POF1B: variants seen among roughly 807,000 people sequenced by gnomAD.
The protein encoded by POF1B is POF1B actin binding protein, also known as protein POF1B.
POF1B carries 53 observed loss-of-function variants against 55.3 expected under a neutral mutation model. The ratio of observed to expected loss-of-function variants is 0.96; its 90% CI spans 0.77 to 1.20. The LOEUF is 1.20. POF1B is among the 50% of genes most tolerant of loss of function. POF1B has a pLI of 0.00. For missense variants in POF1B, 478 were observed against 420.5 expected, an observed-to-expected ratio of 1.14 and a Z score of -1.20; for synonymous variants, 188 against 148.3, an observed-to-expected ratio of 1.27 and a Z score of -1.95.
At chrX:85,283,786 T>C (rs1335258725) in intron 15 of POF1B, among the ~76,000 whole-genome samples, 1 of 110,619 alleles carries the variant, frequency 9.0e-6, no homozygotes, top group Non-Finnish European at 1.9e-5. Context: ...AAAGAGAATC[T>C]TAAAAACAGC....
chrX:85,342,198 T>A (rs995485099), intron 6 of POF1B, among the ~76,000 whole-genome samples: 4 of 111,384 alleles, frequency 3.6e-5, no homozygotes, highest in Non-Finnish European at 7.6e-5. Flanking sequence ...ATCAAAAGGG[T>A]GATATTAGTA....
intron 15 of POF1B, among the ~76,000 whole-genome samples, chrX:85,284,029 G>T (rs922926891): frequency 2.7e-5 from 3 of 111,100 alleles, no homozygotes; most frequent in African/African-American, 9.8e-5. Flanking sequence ...CAAACAGAGA[G>T]CCAAATCACG....
intron 15 of POF1B, among the ~76,000 whole-genome samples, chrX:85,294,123 G>A (rs1569279813): frequency 8.9e-6 from 1 of 112,075 alleles, no homozygotes; most frequent in East Asian, 2.8e-4. Flanking sequence ...GAAGCTTTTG[G>A]TGGAGTCTTT....
chrX:85,357,558 T>A (rs751675930), intron 4 of POF1B, among the ~76,000 whole-genome samples: 1 of 111,353 alleles, frequency 9.0e-6, no homozygotes, highest in Non-Finnish European at 1.9e-5. Flanking sequence ...ACTTTCTTAA[T>A]GGTCAAACCC....
At chrX:85,343,033 A>G (rs1196499765) in intron 6 of POF1B, among the ~76,000 whole-genome samples, 1 of 97,310 alleles carries the variant, frequency 1.0e-5, no homozygotes, top group Non-Finnish European at 2.1e-5. Context: ...AAAATATTGA[A>G]AAAGCTGGGG....
rs774039947 is a variant in POF1B, at chrX:85,313,517, C to T, written c.957+915G>A. Among the ~76,000 whole-genome samples, 22 of 111,837 alleles carry T rather than the reference C, an allele frequency of 2.0e-4. 1 individual carries two copies. In the South Asian group the frequency reaches 2.6e-3, roughly 13 times the overall value. On this transcript the variant is annotated intron_variant, in intron 9 of 16. Coordinates refer to ENST00000262753, the MANE Select transcript of POF1B (RefSeq NM_024921.4). ...ATGTTGAATCAGCCTTGCATTCCAGCGATGAAGCTGACTTGATCATGGTGG... is the reference window on the plus strand; with the variant it reads ...ATGTTGAATCAGCCTTGCATTCCAGTGATGAAGCTGACTTGATCATGGTGG...
At chrX:85,289,715 A>G (rs1295064195) in intron 15 of POF1B, among the ~76,000 whole-genome samples, 1 of 111,702 alleles carries the variant, frequency 9.0e-6, no homozygotes, top group Non-Finnish European at 1.9e-5. Context: ...AAGATAAACA[A>G]TTTGGAGAAA....
intron 15 of POF1B, among the ~76,000 whole-genome samples, chrX:85,293,949 G>A (rs1932250189): frequency 9.5e-6 from 1 of 105,806 alleles, no homozygotes; most frequent in Non-Finnish European, 1.9e-5. Context: ...ACTCCAGTCT[G>A]GGTGACAGAG....
Position 85,306,217 on chromosome X carries a change from A to G in POF1B, c.1281T>C (p.Arg427=), listed in dbSNP as rs750328897. ...YRLKELEYCK[R]NLEQENQNLR... is the part of the protein sequence containing the mutation. ...GGTTTTGATTCTCTTGCTCTAAATT[A>G]CGTTTACAATATTCCAGTTCTTTTA... Residue 427 remains arginine, a synonymous_variant, in exon 12 of 17, where the codon CGT becomes CGC. Coordinates refer to ENST00000262753, the MANE Select transcript of POF1B (RefSeq NM_024921.4). 5.2e-5 allele frequency: 63 copies of G among 1,202,229 alleles called. No individual in the cohort carries two copies. The South Asian group carries it at 1.1e-3, about 21-fold the overall frequency.
At chrX:85,285,351 C>T (rs1407688052) in intron 15 of POF1B, among the ~76,000 whole-genome samples, 9 of 110,943 alleles carry the variant, frequency 8.1e-5, no homozygotes, top group Non-Finnish European at 1.5e-4. Context: ...CGTATGCACA[C>T]GTATGTTTAT....
chrX:85,360,704 C>T (rs1782437057), intron 3 of POF1B, among the ~76,000 whole-genome samples: 1 of 107,334 alleles, frequency 9.3e-6, no homozygotes, highest in African/African-American at 3.4e-5. Context: ...GATATATACC[C>T]AGTAATGGGA....
intron 2 of POF1B, among the ~76,000 whole-genome samples, chrX:85,369,908 T>C (rs1304450405): frequency 4.5e-5 from 5 of 112,124 alleles, no homozygotes; most frequent in Non-Finnish European, 9.4e-5. Flanking sequence ...CTGGGGCTAA[T>C]AATATTATAC....
intron 2 of POF1B, among the ~76,000 whole-genome samples, chrX:85,371,671 T>C (rs1342201832): frequency 9.0e-6 from 1 of 111,691 alleles, no homozygotes; most frequent in Non-Finnish European, 1.9e-5. Flanking sequence ...CTAGTCCTTA[T>C]AACAGAAGGT....
Position 85,379,411 on chromosome X carries a change from C to A in POF1B, c.44G>T (p.Gly15Val). ...CAGCACCTCTGGGAGCTGCTGGGTTCCACAGCTGCTGCTGCTCGTCTCACT... is the reference window on the plus strand; with the variant it reads ...CAGCACCTCTGGGAGCTGCTGGGTTACACAGCTGCTGCTGCTCGTCTCACT... ...YWSETSSSSC[G>V]TQQLPEVLQC... The change falls in exon 2 of 17, where the codon GGA (glycine) becomes GTA (valine). Residue 15 changes from glycine to valine, a missense_variant. Coordinates refer to ENST00000262753, the MANE Select transcript of POF1B (RefSeq NM_024921.4). The A allele has an allele frequency of 2.5e-6, 3 of 1,209,615 alleles. No homozygotes were observed. The highest frequency in any genetic ancestry group is 3.4e-6 in the Non-Finnish European group (3 of 894,981).
At chrX:85,359,449 G>T in intron 4 of POF1B, 101 bp downstream of exon 4, 1 of 590,462 alleles carries the variant, frequency 1.7e-6, no homozygotes, top group Non-Finnish European at 2.8e-6. Context: ...CTGTAAGAAA[G>T]TCCAACAATC....
intron 3 of POF1B, among the ~76,000 whole-genome samples, chrX:85,362,757 C>T (rs1390349316): frequency 3.6e-5 from 4 of 111,474 alleles, no homozygotes; most frequent in Non-Finnish European, 3.8e-5. Flanking sequence ...ATGCTGGCCT[C>T]ATAAAATGAT....
chrX:85,366,345 T>A (rs1211763858), intron 3 of POF1B, among the ~76,000 whole-genome samples: 1 of 111,243 alleles, frequency 9.0e-6, no homozygotes, highest in Non-Finnish European at 1.9e-5. Context: ...AAACTGTATA[T>A]ATGGTATAAA....
At chrX:85,351,510 A>C (rs1726955754) in intron 4 of POF1B, 59 bp from the exon 5 acceptor site, 1 of 849,026 alleles carries the variant, frequency 1.2e-6, no homozygotes, top group African/African-American at 2.1e-5. Flanking sequence ...GAGTAACCTT[A>C]AATTAGGCAA....
intron 3 of POF1B, among the ~76,000 whole-genome samples, chrX:85,362,532 G>A (rs1252983942): frequency 8.9e-6 from 1 of 111,986 alleles, no homozygotes; most frequent in Non-Finnish European, 1.9e-5. Flanking sequence ...CTGTTTATGT[G>A]ATGCATAGCA....
Sources: allele counts gnomAD v4.1 joint callset (sites outside exome capture counted in the v4.1 genomes callset), GRCh38; gene constraint gnomAD v4.1.1; transcripts MANE v1.5; gene names NCBI Gene and HGNC (gene_info 2026-07-23, HGNC 2026-07-21).